DGKB: variants seen among roughly 807,000 people sequenced by gnomAD.
DGKB encodes the protein 90 kDa diacylglycerol kinase.
A neutral mutation model predicts 114.3 loss-of-function variants in DGKB; 67 were observed. The observed-to-expected ratio is 0.59, with a 90% CI of 0.48 to 0.72. The LOEUF (loss-of-function observed/expected upper bound fraction) is 0.72. DGKB is among the 30% of genes least tolerant of loss of function. DGKB has a pLI of 0.00. For synonymous variants in DGKB, 398 were observed against 323.1 expected, an observed-to-expected ratio of 1.23 and a Z score of -2.49; for missense variants, 907 against 975.2, an observed-to-expected ratio of 0.93 and a Z score of 0.93.
intron 23 of DGKB, among the ~76,000 whole-genome samples, chr7:14,197,272 A>G (rs1045857327): frequency 1.3e-5 from 2 of 152,186 alleles, no homozygotes; most frequent in African/African-American, 2.4e-5. Context: ...AAATTATTCT[A>G]TTTAGTCGTA....
chr7:14,737,955 C>T (rs924812509), intron 4 of DGKB, among the ~76,000 whole-genome samples: 1 of 150,182 alleles, frequency 6.7e-6, no homozygotes, highest in East Asian at 2.0e-4. Context: ...TAACTAAAAA[C>T]TCTGAGTAAT....
At chr7:14,786,252 T>A (rs2128497165) in intron 2 of DGKB, among the ~76,000 whole-genome samples, 1 of 152,318 alleles carries the variant, frequency 6.6e-6, no homozygotes, top group African/African-American at 2.4e-5. Context: ...TTCTAACTAA[T>A]CCTAACTGGT....
At chr7:14,412,132 A>G (rs2128746713) in intron 21 of DGKB, among the ~76,000 whole-genome samples, 1 of 152,328 alleles carries the variant, frequency 6.6e-6, no homozygotes, top group African/African-American at 2.4e-5. Flanking sequence ...ATGTGTATGC[A>G]TAGGCACAGA....
intron 4 of DGKB, among the ~76,000 whole-genome samples, chr7:14,745,340 C>T (rs1374412238): frequency 6.6e-6 from 1 of 152,152 alleles, no homozygotes; most frequent in Admixed American, 6.5e-5. Context: ...AAAACAGTGC[C>T]CCCTAAGAGC....
chr7:14,338,625 T>A lies in DGKB; in HGVS notation c.2012A>T (p.Asn671Ile). 6.2e-7 allele frequency: 1 copy of A among 1,610,348 alleles called. No individual in the cohort carries two copies. The highest frequency in any genetic ancestry group is 8.5e-7 in the Non-Finnish European group (1 of 1,177,796). Residue 671 changes from asparagine to isoleucine, a missense_variant, in exon 23 of 26, where the codon AAT (asparagine) becomes ATT (isoleucine). Transcript: ENST00000402815. The part of the protein sequence containing the change: ...LNIPSMHGGS[N>I]LWGESKKRRS... ...TCTTTTCTTAGACTCTCCCCAAAGA[T>A]TGGATCCTCCATGCATGCTTGGTAT...
At chr7:14,472,040 C>G (rs906652367) in intron 21 of DGKB, among the ~76,000 whole-genome samples, 1 of 152,128 alleles carries the variant, frequency 6.6e-6, no homozygotes, top group African/African-American at 2.4e-5. Flanking sequence ...GATCGCTGGC[C>G]ATAAGTGCTT....
intron 2 of DGKB, among the ~76,000 whole-genome samples, chr7:14,790,654 TG>T (rs1487129189): frequency 6.6e-6 from 1 of 152,184 alleles, no homozygotes; most frequent in African/African-American, 2.4e-5. Context: ...TCTCTGTCAT[TG>T]TTGATCTATG....
At position 14,215,467 on chromosome 7, in the gene DGKB, T is replaced by TATGTC. The variant is rs528991369; in HGVS notation, c.2123-37321_2123-37317dup. On this transcript the variant is annotated intron_variant, in intron 23 of 25. Coordinates refer to ENST00000402815, the MANE Select transcript of DGKB (RefSeq NM_001350709.2). ...CTCCCTTTCAAATTTCATAAAAGTC[T>TATGTC]ATGTCATGTAGATGTATTCCAAATA... Among the ~76,000 whole-genome samples the TATGTC allele has an allele frequency of 1.6e-4, 24 of 152,258 alleles. No individual in the cohort carries two copies. In the East Asian group the frequency reaches 3.1e-3, roughly 20 times the overall value.
chr7:14,790,422 C>A (rs1410271670), intron 2 of DGKB, among the ~76,000 whole-genome samples: 1 of 149,600 alleles, frequency 6.7e-6, no homozygotes, highest in Non-Finnish European at 1.5e-5. Context: ...AAAAACTGTT[C>A]AGTTTTATGT....
intron 1 of DGKB, among the ~76,000 whole-genome samples, chr7:14,917,371 C>T (rs964901585): frequency 6.6e-6 from 1 of 151,912 alleles, no homozygotes; most frequent in African/African-American, 2.4e-5. Context: ...AATTAGTGAA[C>T]TTCTAGCCAG....
At chr7:14,963,157 G>A (rs143114578) in intron 1 of DGKB, among the ~76,000 whole-genome samples, 39 of 152,196 alleles carry the variant, frequency 2.6e-4, no homozygotes, top group Middle Eastern at 3.4e-3. Context: ...AAAAATACAT[G>A]AGCAGAAACG....
At chr7:14,890,617 C>T (rs217584) in intron 1 of DGKB, among the ~76,000 whole-genome samples, 148,322 of 151,384 alleles carry the variant, frequency 0.98, 72,719 homozygotes, top group East Asian at 1. Context: ...AGAAAAACAT[C>T]TTCTTTCTGT....
At chr7:14,679,163 T>C (rs531474970) in intron 12 of DGKB, among the ~76,000 whole-genome samples, 117 of 138,668 alleles carry the variant, frequency 8.4e-4, no homozygotes, top group African/African-American at 3.3e-3. Context: ...ATGACGTAAG[T>C]GTTCTTCATG....
At chr7:14,576,740 T>C (rs937019611) in intron 19 of DGKB, among the ~76,000 whole-genome samples, 10 of 152,168 alleles carry the variant, frequency 6.6e-5, no homozygotes, top group African/African-American at 2.4e-4. Flanking sequence ...GGAATGAATG[T>C]AGTGAAAATC....
chr7:14,661,739 T>C (rs1261748734), intron 13 of DGKB, among the ~76,000 whole-genome samples: 3 of 151,664 alleles, frequency 2.0e-5, no homozygotes, highest in Admixed American at 1.3e-4. Flanking sequence ...CATGCTGCTA[T>C]AAAGACACAT....
intron 23 of DGKB, among the ~76,000 whole-genome samples, chr7:14,213,057 C>T (rs1788390298): frequency 6.7e-6 from 1 of 150,052 alleles, no homozygotes; most frequent in Admixed American, 6.7e-5. Flanking sequence ...TTCTTATACT[C>T]ATATATGTAC....
At chr7:14,761,348 T>G (rs1586294223) in intron 2 of DGKB, among the ~76,000 whole-genome samples, 1 of 152,198 alleles carries the variant, frequency 6.6e-6, no homozygotes, top group African/African-American at 2.4e-5. Context: ...CATGTCTTCT[T>G]GGACACCCAA....
intron 25 of DGKB, among the ~76,000 whole-genome samples, chr7:14,153,273 G>A (rs1488952081): frequency 6.6e-6 from 1 of 151,870 alleles, no homozygotes; most frequent in Admixed American, 6.6e-5. Context: ...CCTTTCTTTT[G>A]TTATCTGAAC....
chr7:14,461,480 A>G (rs1298294099), intron 21 of DGKB, among the ~76,000 whole-genome samples: 5 of 152,342 alleles, frequency 3.3e-5, no homozygotes. Flanking sequence ...AAATACCACT[A>G]TGTAAATAAA....
Sources: gnomAD v4.1 joint callset for allele counts (sites outside exome capture counted in the v4.1 genomes callset) on GRCh38, gnomAD v4.1.1 for gene constraint, MANE v1.5 for transcripts, NCBI Gene and HGNC (gene_info 2026-07-23, HGNC 2026-07-21) for gene names.